Variants in PLEKHG4B observed in about 807,000 individuals in gnomAD.
The protein encoded by PLEKHG4B is pleckstrin homology domain-containing family G member 4B.
In PLEKHG4B, 111 loss-of-function variants were observed where a neutral mutation model predicts 121.3. The ratio of observed to expected loss-of-function variants is 0.92; its 90% confidence interval spans 0.78 to 1.07. PLEKHG4B has a LOEUF of 1.07. PLEKHG4B is among the 50% of genes least tolerant of loss of function. The pLI, the probability that PLEKHG4B is intolerant of heterozygous loss-of-function variation, is 0.00. For missense variants in PLEKHG4B, 1,831 were observed against 1,757.8 expected (o/e 1.04, Z -0.74); for synonymous variants, 738 against 725.0 (o/e 1.02, Z -0.29).
At chr5:168,014 C>G (rs991256871) in intron 13 of PLEKHG4B, among the ~76,000 whole-genome samples, 1 of 152,188 alleles carries the variant, frequency 6.6e-6, no homozygotes, top group African/African-American at 2.4e-5. Flanking sequence ...ACCACACTGG[C>G]CAGCCCACCT....
rs138706822 is a variant in PLEKHG4B, at chr5:158,121, A to G, written c.2487+1210A>G. On this transcript the variant is annotated intron_variant, in intron 11 of 19. Transcript: ENST00000637938. ...CCACCAGCCAGTCCGGGCTGTCTCCAGTCTGTGCCCTCTGTCCTGGGGGTC... is the reference window on the plus strand; with the variant it reads ...CCACCAGCCAGTCCGGGCTGTCTCCGGTCTGTGCCCTCTGTCCTGGGGGTC... 8.2e-3 allele frequency among the ~76,000 whole-genome samples: 1,255 copies of G among 152,232 alleles called. 23 individuals carry two copies. Among genetic ancestry groups the G allele is most frequent in the African/African-American group, 0.029 (1,194 of 41,526 alleles).
At chr5:133,236 A>AT (rs1281609658) in intron 2 of PLEKHG4B, among the ~76,000 whole-genome samples, 1 of 151,958 alleles carries the variant, frequency 6.6e-6, no homozygotes. Context: ...GTGTACATTA[A>AT]TTTTGTGTCC....
intron 13 of PLEKHG4B, among the ~76,000 whole-genome samples, chr5:165,954 C>A (rs1269851034): frequency 1.1e-4 from 1 of 9,504 alleles, no homozygotes; most frequent in Non-Finnish European, 3.1e-4. Context: ...TCTGACGGGG[C>A]GGAGCTCACA....
At chr5:110,634 C>T (rs566485613) in intron 1 of PLEKHG4B, among the ~76,000 whole-genome samples, 2 of 151,932 alleles carry the variant, frequency 1.3e-5, no homozygotes, top group Admixed American at 6.5e-5. Context: ...CTGCAACACA[C>T]GTGCACACAT....
At chr5:101,377 T>A (rs370763909) in intron 1 of PLEKHG4B, among the ~76,000 whole-genome samples, 87 of 95,358 alleles carry the variant, frequency 9.1e-4, no homozygotes, top group East Asian at 2.3e-3. Flanking sequence ...GTTGTGAGGT[T>A]AATCCATATA....
At chr5:93,139 T>C (rs150658943) in intron 1 of PLEKHG4B, among the ~76,000 whole-genome samples, 1 of 152,290 alleles carries the variant, frequency 6.6e-6, no homozygotes, top group East Asian at 1.9e-4. Context: ...TTGAAACATA[T>C]AATTTAAAAA....
At position 157,005 on chromosome 5, in the gene PLEKHG4B, G is replaced by T; in HGVS notation, c.2487+94G>T. ...CTCACCTTCACACTGTGTCTTTAGGGCCTTGATCTGATTTCCATTTGGAAT... is the reference window on the plus strand; with the variant it reads ...CTCACCTTCACACTGTGTCTTTAGGTCCTTGATCTGATTTCCATTTGGAAT... On this transcript the variant is annotated intron_variant, in intron 11 of 19. Coordinates refer to ENST00000637938, the MANE Select transcript of PLEKHG4B (RefSeq NM_052909.5). This position sits in a 1 kb window ranked among gnomAD's most constrained non-coding sequence, Gnocchi z 4.6. The T allele has an allele frequency of 6.8e-7, 1 of 1,472,038 alleles. No homozygotes were observed. Among genetic ancestry groups the T allele is most frequent in the African/African-American group, 1.4e-5 (1 of 71,834 alleles). The allele number at this position is 1,472,038 out of a possible 1,614,324, so 91.2% of individuals were successfully genotyped here.
chr5:97,412 C>T (rs1733662003), intron 1 of PLEKHG4B, among the ~76,000 whole-genome samples: 1 of 152,206 alleles, frequency 6.6e-6, no homozygotes, highest in Non-Finnish European at 1.5e-5. Flanking sequence ...TCGTTTTCCT[C>T]ATTCCAAAGT....
At chr5:166,823 C>T (rs1406386810) in intron 13 of PLEKHG4B, among the ~76,000 whole-genome samples, 2 of 152,216 alleles carry the variant, frequency 1.3e-5, no homozygotes, top group African/African-American at 4.8e-5. Context: ...GGTTGCCAGA[C>T]TCAGTGTTTA....
At chr5:98,039 C>T (rs1445930155) in intron 1 of PLEKHG4B, among the ~76,000 whole-genome samples, 1 of 152,068 alleles carries the variant, frequency 6.6e-6, no homozygotes, top group African/African-American at 2.4e-5. Flanking sequence ...ATCTATATAT[C>T]TTTTGATCCA....
At chr5:167,808 G>A (rs75959593) in intron 13 of PLEKHG4B, among the ~76,000 whole-genome samples, 15,569 of 152,278 alleles carry the variant, frequency 0.1, 954 homozygotes, top group Non-Finnish European at 0.12. Context: ...CCCCACTCCA[G>A]CCAGCTCATG....
intron 13 of PLEKHG4B, among the ~76,000 whole-genome samples, chr5:167,073 TTCCAGCC>T (rs2126448849): frequency 6.6e-6 from 1 of 152,332 alleles, no homozygotes; most frequent in South Asian, 2.1e-4. Context: ...CCCGTGTGAT[TTCCAGCC>T]TTTGCTTCCT....
chr5:159,259 C>T lies in PLEKHG4B; in HGVS notation c.2487+2348C>T, dbSNP rs544816231. Among the ~76,000 whole-genome samples the T allele has an allele frequency of 1.3e-5, 2 of 148,968 alleles. No individual in the cohort carries two copies. The highest frequency in any genetic ancestry group is 2.2e-4 in the South Asian group (1 of 4,632). On this transcript the variant is annotated intron_variant, in intron 11 of 19. Transcript: ENST00000637938. The surrounding 1 kb of genome is among the most constrained non-coding windows in gnomAD (Gnocchi z 5.5). ...ACTGAGGGCAGGTGTGCCTGAGGGTCGCCCAGGTGCACTGAGGGCAGGTGT... is the reference window on the plus strand; with the variant it reads ...ACTGAGGGCAGGTGTGCCTGAGGGTTGCCCAGGTGCACTGAGGGCAGGTGT...
chr5:113,269 G>A lies in PLEKHG4B; in HGVS notation c.64G>A (p.Ala22Thr). 1 of 399,106 alleles carries A rather than the reference G, an allele frequency of 2.5e-6. No homozygotes were observed. Among genetic ancestry groups the A allele is most frequent in the Admixed American group, 4.4e-5 (1 of 22,730 alleles). 24.7% of individuals were successfully genotyped at this position (399,106 alleles called of 1,614,324 possible). Residue 22 changes from alanine to threonine, a missense_variant, in exon 2 of 20, where the codon GCC becomes ACC. Ala to Thr is a moderately conservative substitution (Grantham distance 58). Transcript: ENST00000637938. The surrounding 1 kb of genome is among the most constrained non-coding windows in gnomAD (Gnocchi z 5.2). ...ATTTCAGGATCTGGAATCTCTTGAT[G>A]CCTGTATCCAGAGGACGCTCTCTGC... Reference protein sequence around the residue: ...PGARDLESLDACIQRTLSALY... With the variant: ...PGARDLESLDTCIQRTLSALY...
chr5:107,394 C>G (rs1415100724), intron 1 of PLEKHG4B, among the ~76,000 whole-genome samples: 1 of 152,236 alleles, frequency 6.6e-6, no homozygotes, highest in Non-Finnish European at 1.5e-5. Context: ...TTGTAAGTTG[C>G]ACGACGTTGC....
At position 171,384 on chromosome 5, in the gene PLEKHG4B, C is replaced by G. The variant is rs1280013193; in HGVS notation, c.3990C>G (p.Val1330=). 2 of 1,609,898 alleles carry G rather than the reference C, an allele frequency of 1.2e-6. No individual in the cohort carries two copies. The highest frequency in any genetic ancestry group is 8.5e-7 in the Non-Finnish European group (1 of 1,179,572). The part of the protein sequence containing the change: ...LGELRAAEVV[V]CFQLRHGNDL... ...AGCTCCGAGCCGCCGAGGTCGTGGT[C>G]TGCTTCCAGCTGCGTCACGGCAATG... Residue 1330 remains valine (V), a synonymous_variant, in exon 16 of 20, where the codon GTC becomes GTG. Coordinates refer to ENST00000637938, the MANE Select transcript of PLEKHG4B (RefSeq NM_052909.5).
intron 1 of PLEKHG4B, among the ~76,000 whole-genome samples, chr5:101,337 G>T (rs1168759902): frequency 1.7e-5 from 2 of 119,258 alleles, no homozygotes; most frequent in African/African-American, 8.4e-5. Flanking sequence ...TCCATATAAA[G>T]CCCTGGAAAA....
chr5:102,033 A>G (rs1398729652), intron 1 of PLEKHG4B, among the ~76,000 whole-genome samples: 21 of 95,302 alleles, frequency 2.2e-4, no homozygotes, highest in Admixed American at 2.7e-4. Flanking sequence ...AAAGCCCTGG[A>G]AAAAGTCTGT....
intron 1 of PLEKHG4B, among the ~76,000 whole-genome samples, chr5:98,858 A>ATTTTTTTT (rs1733709476): frequency 1.0e-5 from 1 of 99,460 alleles, no homozygotes; most frequent in African/African-American, 5.6e-5. Flanking sequence ...TTTTTTTTTC[A>ATTTTTTTT]AAAAAAATTT....
Sources: gnomAD v4.1 joint callset for allele counts (sites outside exome capture counted in the v4.1 genomes callset) on GRCh38, gnomAD v4.1.1 for gene constraint, Gnocchi (gnomAD v3.1) non-coding constraint, MANE v1.5 for transcripts, NCBI Gene and HGNC (gene_info 2026-07-23, HGNC 2026-07-21) for gene names.